Variants in MCPH1 observed in about 807,000 individuals in gnomAD.
The protein encoded by MCPH1 is microcephalin.
MCPH1 carries 104 observed loss-of-function variants against 84.5 expected under a neutral mutation model. The ratio of observed to expected loss-of-function variants is 1.23; its 90% CI spans 1.05 to 1.45. MCPH1 has a LOEUF of 1.45. Ranked by LOEUF, MCPH1 falls within the 40% of genes most tolerant of loss-of-function variation. The pLI is 0.00. For synonymous variants in MCPH1, 514 were observed against 366.8 expected (o/e 1.40, Z -4.58); for missense variants, 1,498 against 1,005.7 (o/e 1.49, Z -6.62).
chr8:6,412,816 G>C (rs1037492104), intron 2 of MCPH1, among the ~76,000 whole-genome samples: 1 of 152,120 alleles, frequency 6.6e-6, no homozygotes, highest in Non-Finnish European at 1.5e-5. Context: ...TGGGGGTGTG[G>C]AAATTGAGAG....
chr8:6,537,695 C>T (rs1820763251), intron 12 of MCPH1, among the ~76,000 whole-genome samples: 1 of 152,020 alleles, frequency 6.6e-6, no homozygotes, highest in South Asian at 2.1e-4. Context: ...AGATTGATTA[C>T]ACATTTAAAA....
At chr8:6,461,076 A>G (rs1461686975) in intron 9 of MCPH1, among the ~76,000 whole-genome samples, 2 of 152,148 alleles carry the variant, frequency 1.3e-5, no homozygotes, top group East Asian at 3.9e-4. Flanking sequence ...TTTTGAGATG[A>G]ACACGTAGGT....
At chr8:6,454,749 A>T (rs970198086) in intron 8 of MCPH1, among the ~76,000 whole-genome samples, 1 of 152,158 alleles carries the variant, frequency 6.6e-6, no homozygotes, top group Admixed American at 6.5e-5. Flanking sequence ...TCTCAAACTG[A>T]CCCCAAAAGT....
chr8:6,487,761 C>G (rs990338433), intron 11 of MCPH1, among the ~76,000 whole-genome samples: 1 of 152,168 alleles, frequency 6.6e-6, no homozygotes, highest in Admixed American at 6.5e-5. Flanking sequence ...TCCTTTTTAT[C>G]CTGCTACAGA....
At chr8:6,483,198 A>G (rs965617331) in intron 11 of MCPH1, among the ~76,000 whole-genome samples, 2 of 152,226 alleles carry the variant, frequency 1.3e-5, no homozygotes, top group Non-Finnish European at 2.9e-5. Flanking sequence ...ATTAAAAGAC[A>G]TACAATGTTC....
chr8:6,572,623 T>G (rs1226404688), intron 12 of MCPH1, among the ~76,000 whole-genome samples: 1 of 152,240 alleles, frequency 6.6e-6, no homozygotes, highest in African/African-American at 2.4e-5. Context: ...TTTTAGGCAT[T>G]CATTTAGCAT....
intron 12 of MCPH1, among the ~76,000 whole-genome samples, chr8:6,554,447 T>A (rs1586593831): frequency 6.6e-6 from 1 of 152,312 alleles, no homozygotes; most frequent in South Asian, 2.1e-4. Context: ...GTCAACATGA[T>A]AAAATAATCC....
intron 12 of MCPH1, among the ~76,000 whole-genome samples, chr8:6,504,102 A>T (rs969141998): frequency 6.6e-6 from 1 of 152,122 alleles, no homozygotes; most frequent in East Asian, 1.9e-4. Flanking sequence ...GTGGATCACG[A>T]GATCAGGAGA....
chr8:6,474,881 A>G (rs903051495), intron 9 of MCPH1, among the ~76,000 whole-genome samples: 4 of 152,236 alleles, frequency 2.6e-5, no homozygotes, highest in Non-Finnish European at 5.9e-5. Context: ...CATAGAAGAC[A>G]TGACTATTTT....
chr8:6,444,975 C>G lies in MCPH1; in HGVS notation c.1253C>G (p.Pro418Arg). Residue 418 changes from proline to arginine, a missense_variant, in exon 8 of 14, where the codon CCT (proline) becomes CGT (arginine). Coordinates refer to ENST00000344683, the MANE Select transcript of MCPH1 (RefSeq NM_024596.5). ...GESSYDDYFS[P>R]DNLKERYSEN... ...TCTTCATATGATGACTATTTTTCAC[C>G]TGATAATCTTAAGGAAAGGTATTCA... 2 of 1,614,154 alleles carry G rather than the reference C, an allele frequency of 1.2e-6. No individual in the cohort carries two copies. The highest frequency in any genetic ancestry group is 1.1e-5 in the South Asian group (1 of 91,084).
chr8:6,516,881 C>T (rs933488653), intron 12 of MCPH1, among the ~76,000 whole-genome samples: 3 of 152,146 alleles, frequency 2.0e-5, no homozygotes, highest in Non-Finnish European at 2.9e-5. Flanking sequence ...AGAGGCAAAA[C>T]TCTTAAATGT....
chr8:6,423,408 G>A (rs573231743), intron 3 of MCPH1, among the ~76,000 whole-genome samples: 2 of 151,812 alleles, frequency 1.3e-5, no homozygotes, highest in Admixed American at 6.6e-5. Context: ...CTTGTGATCC[G>A]CCCGCCTCGG....
intron 3 of MCPH1, among the ~76,000 whole-genome samples, chr8:6,424,735 C>A (rs1017332646): frequency 6.6e-6 from 1 of 152,214 alleles, no homozygotes; most frequent in African/African-American, 2.4e-5. Flanking sequence ...CCTCCAGTAG[C>A]TCCTGAGTTA....
intron 3 of MCPH1, among the ~76,000 whole-genome samples, chr8:6,417,546 T>C (rs1308685433): frequency 6.6e-6 from 1 of 152,230 alleles, no homozygotes; most frequent in East Asian, 1.9e-4. Flanking sequence ...AGATTGATCT[T>C]TTTTCAAGTT....
intron 13 of MCPH1, among the ~76,000 whole-genome samples, chr8:6,639,459 G>C (rs1410822034): frequency 1.3e-5 from 2 of 152,096 alleles, no homozygotes; most frequent in Admixed American, 6.5e-5. Flanking sequence ...CCGGGAGTTT[G>C]AGACCAGCCT....
At chr8:6,469,729 A>G (rs1807464028) in intron 9 of MCPH1, among the ~76,000 whole-genome samples, 1 of 152,222 alleles carries the variant, frequency 6.6e-6, no homozygotes, top group Non-Finnish European at 1.5e-5. Context: ...ATTTATCACT[A>G]ATAAAACGGG....
chr8:6,604,528 G>A (rs1419691728), intron 12 of MCPH1, among the ~76,000 whole-genome samples: 2 of 152,198 alleles, frequency 1.3e-5, no homozygotes, highest in African/African-American at 4.8e-5. Flanking sequence ...GTTTTGAGAC[G>A]GAGTCTCACT....
At chr8:6,468,468 G>C (rs575122590) in intron 9 of MCPH1, among the ~76,000 whole-genome samples, 1 of 152,242 alleles carries the variant, frequency 6.6e-6, no homozygotes, top group South Asian at 2.1e-4. Flanking sequence ...TAACATTGGG[G>C]CTCCCCAGCG....
chr8:6,409,315 G>C lies in MCPH1; in HGVS notation c.59G>C (p.Gly20Ala), dbSNP rs1370388990. Residue 20 changes from glycine (G) to alanine (A), a missense_variant, in exon 2 of 14, where the codon GGA becomes GCA. Physicochemically the swap from Gly to Ala is moderately conservative, Grantham distance 60. Transcript: ENST00000344683. ...VAYVEVWSSNGTENYSKTFTT... is the reference protein window; with the variant it reads ...VAYVEVWSSNATENYSKTFTT... ...TATGTTGAAGTGTGGTCATCCAATG[G>C]AACAGAAAATTATTCAAAGACATTT... The C allele has an allele frequency of 1.2e-6, 2 of 1,614,084 alleles. No individual in the cohort carries two copies. Among genetic ancestry groups the C allele is most frequent in the Non-Finnish European group, 1.7e-6 (2 of 1,179,982 alleles).
Sources: gnomAD v4.1 joint callset for allele counts (sites outside exome capture counted in the v4.1 genomes callset) on GRCh38, gnomAD v4.1.1 for gene constraint, MANE v1.5 for transcripts, NCBI Gene and HGNC (gene_info 2026-07-23, HGNC 2026-07-21) for gene names.